The following ACOX1 variants were observed in gnomAD, a reference collection of about 807,000 sequenced individuals.
ACOX1 encodes the protein acyl-CoA oxidase 1, also known as peroxisomal acyl-coenzyme A oxidase 1.
ACOX1 carries 41 observed loss-of-function variants against 75.5 expected under a neutral mutation model. That is an observed-to-expected ratio of 0.54 (90% CI 0.42 to 0.70). The LOEUF (loss-of-function observed/expected upper bound fraction) is 0.70, where lower values mean the gene tolerates loss of function less well. Among genes scored for constraint, ACOX1 ranks in the 30% least tolerant of loss-of-function variants. ACOX1 has a pLI of 0.00. For missense variants in ACOX1, 630 were observed against 837.5 expected (o/e 0.75, Z 3.06); for synonymous variants, 303 against 298.8 (o/e 1.01, Z -0.15).
intron 6 of ACOX1, among the ~76,000 whole-genome samples, chr17:75,955,076 G>C (rs1455781195): frequency 1.3e-5 from 2 of 151,842 alleles, no homozygotes; most frequent in African/African-American, 2.4e-5. Context: ...CACCATGTTG[G>C]CCAGGATGGT....
intron 4 of ACOX1, among the ~76,000 whole-genome samples, chr17:75,957,132 C>T (rs925309478): frequency 7.9e-5 from 12 of 151,674 alleles, no homozygotes; most frequent in Non-Finnish European, 1.6e-4. Context: ...GATGCCCAGG[C>T]TGGAGTGCAA....
chr17:75,965,230 C>A (rs1032264430), intron 2 of ACOX1, among the ~76,000 whole-genome samples: 2 of 149,570 alleles, frequency 1.3e-5, no homozygotes, highest in African/African-American at 4.9e-5. Context: ...CCCAGCTACT[C>A]GGGAGGCTGA....
At position 75,951,892 on chromosome 17, in the gene ACOX1, G is replaced by A. The variant is rs193126686; in HGVS notation, c.945-315C>T. Among the ~76,000 whole-genome samples, 11 of 137,096 alleles carry A rather than the reference G, an allele frequency of 8.0e-5. No individual in the cohort carries two copies. The Admixed American group carries it at 8.6e-4, about 11-fold the overall frequency. The allele number at this position is 137,096 out of a possible 152,430, so 89.9% of individuals were successfully genotyped here. ...TGCAGTGGTGCGATCTTGGCTCACTGCAAGCTCCGCCTCCCAAGTTCAAGC... is the reference window on the plus strand; with the variant it reads ...TGCAGTGGTGCGATCTTGGCTCACTACAAGCTCCGCCTCCCAAGTTCAAGC... On this transcript the variant is annotated intron_variant, in intron 7 of 13. Coordinates refer to ENST00000293217, the MANE Select transcript of ACOX1 (RefSeq NM_004035.7).
intron 2 of ACOX1, among the ~76,000 whole-genome samples, chr17:75,976,215 G>A (rs1193386342): frequency 6.6e-6 from 1 of 152,162 alleles, no homozygotes; most frequent in African/African-American, 2.4e-5. Context: ...GTGTGTTAAA[G>A]TTTGTACTTT....
intron 3 of ACOX1, among the ~76,000 whole-genome samples, chr17:75,958,225 C>A (rs578229337): frequency 6.7e-6 from 1 of 148,632 alleles, no homozygotes; most frequent in Admixed American, 6.7e-5. Flanking sequence ...TTGTGGCATG[C>A]GCCTGTAGTC....
intron 3 of ACOX1, among the ~76,000 whole-genome samples, chr17:75,958,807 CAAAAAA>C (rs60077017): frequency 1.2e-5 from 1 of 86,376 alleles, no homozygotes; most frequent in South Asian, 3.7e-4. Context: ...GACTCCGTCT[CAAAAAA>C]AAAAAAAAAA....
At chr17:75,949,382 CAG>C (rs766977282) in intron 11 of ACOX1, 22 bp from the exon 12 acceptor site, 2 of 1,613,778 alleles carry the variant, frequency 1.2e-6, no homozygotes, top group Admixed American at 1.7e-5. Context: ...AAGAAAACAC[CAG>C]AGTTTGAGAA....
intron 2 of ACOX1, among the ~76,000 whole-genome samples, chr17:75,964,341 C>G (rs1192865799): frequency 6.6e-6 from 1 of 151,972 alleles, no homozygotes; most frequent in Admixed American, 6.6e-5. Flanking sequence ...AAGGTGAAAA[C>G]TGAGTTAGGA....
intron 2 of ACOX1, among the ~76,000 whole-genome samples, chr17:75,966,793 C>T (rs2065936946): frequency 6.6e-6 from 1 of 151,168 alleles, no homozygotes. Context: ...GTGCGAGATT[C>T]TGTCTCAAAA....
At chr17:75,952,569 C>T (rs987982259) in intron 7 of ACOX1, among the ~76,000 whole-genome samples, 2 of 152,066 alleles carry the variant, frequency 1.3e-5, no homozygotes, top group South Asian at 2.1e-4. Context: ...GCTGAGATTA[C>T]AGGCGTGAGC....
rs2065708320 is a variant in ACOX1, at chr17:75,945,155, G to A, written c.*1593C>T. 1 of 152,110 alleles carries A rather than the reference G, an allele frequency of 6.6e-6. No individual in the cohort carries two copies. The highest frequency in any genetic ancestry group is 2.4e-5 in the African/African-American group (1 of 41,420). 9.4% of individuals were successfully genotyped at this position (152,110 alleles called of 1,614,324 possible). The stretch of plus-strand genomic sequence containing the variant: ...ATCCCATCTATGCAACTGGATTGGG[G>A]GGTGTCATTCCAAACACCCTCAGAT... On this transcript the variant is annotated 3_prime_UTR_variant, in exon 14 of 14. Coordinates refer to ENST00000293217, the MANE Select transcript of ACOX1 (RefSeq NM_004035.7).
chr17:75,973,553 G>A (rs1458494917), intron 2 of ACOX1: 1 of 1,541,326 alleles, frequency 6.5e-7, no homozygotes, highest in African/African-American at 1.4e-5. Flanking sequence ...GCAGAAAAAA[G>A]TCAAATGCCA....
chr17:75,975,853 C>CAGAGAGAG (rs35921553), intron 2 of ACOX1, among the ~76,000 whole-genome samples: 2 of 127,196 alleles, frequency 1.6e-5, no homozygotes, highest in Admixed American at 1.8e-4. Context: ...AATGGAAATG[C>CAGAGAGAG]AGAGAGAGAG....
In ACOX1 at chr17:75,949,738, T is replaced by A; in HGVS notation, c.1458A>T (p.Ala486=). 1 of 1,614,204 alleles carries A rather than the reference T, an allele frequency of 6.2e-7. No individual in the cohort carries two copies. The highest frequency in any genetic ancestry group is 1.1e-5 in the South Asian group (1 of 91,082). The change falls in exon 10 of 14, where the codon GCA becomes GCT. Residue 486 remains alanine (A), a synonymous_variant. Transcript: ENST00000293217. ...DINSPESLTE[A]YKLRAARLVE... ...CTCACCTGGCTGCACGGAGTTTATA[T>A]GCTTCGGTTAGGCTTTCGGGGCTGT...
chr17:75,972,023 CGAG>C (rs778740997), intron 2 of ACOX1, among the ~76,000 whole-genome samples: 2 of 152,044 alleles, frequency 1.3e-5, no homozygotes, highest in Admixed American at 6.6e-5. Context: ...ATACTCCAAG[CGAG>C]GAGGACTACA....
rs1224880324 is a variant in ACOX1, at chr17:75,949,844, A to G, written c.1352T>C (p.Met451Thr). 1.2e-5 allele frequency: 20 copies of G among 1,614,124 alleles called. No homozygotes were observed. Among genetic ancestry groups the G allele is most frequent in the Non-Finnish European group, 1.6e-5 (19 of 1,180,054 alleles). Reference protein sequence around the residue: ...QVHSGKLVCGMVSYLNDLPSQ... With the variant: ...QVHSGKLVCGTVSYLNDLPSQ... ...GGGCAGGTCGTTCAAATAGGACACC[A>G]TGCCACACACCAACTTTCCTGAGTG... is the stretch of plus-strand genomic sequence containing the variant. Residue 451 changes from methionine to threonine, a missense_variant, in exon 10 of 14, where the codon ATG becomes ACG. By Grantham distance (81) the Met-to-Thr change is moderately conservative. Transcript: ENST00000293217.
At chr17:75,963,992 T>C (rs945519071) in intron 2 of ACOX1, among the ~76,000 whole-genome samples, 1 of 151,732 alleles carries the variant, frequency 6.6e-6, no homozygotes, top group African/African-American at 2.4e-5. Flanking sequence ...GAGACCAGCC[T>C]GGGCAACATG....
chr17:75,972,377 C>T (rs868651796), intron 2 of ACOX1, among the ~76,000 whole-genome samples: 1 of 149,424 alleles, frequency 6.7e-6, no homozygotes. Context: ...CGGTGGCTCA[C>T]GCCTGTAGCC....
At chr17:75,962,512 T>G (rs1014932399) in intron 2 of ACOX1, among the ~76,000 whole-genome samples, 2 of 152,178 alleles carry the variant, frequency 1.3e-5, no homozygotes, top group Non-Finnish European at 2.9e-5. Flanking sequence ...GTCTTTGAAA[T>G]GAGCATAAAT....
Sources: allele counts gnomAD v4.1 joint callset (sites outside exome capture counted in the v4.1 genomes callset), GRCh38; gene constraint gnomAD v4.1.1; transcripts MANE v1.5; gene names NCBI Gene and HGNC (gene_info 2026-07-23, HGNC 2026-07-21).